CATSPERE: variants seen among roughly 807,000 people sequenced by gnomAD.
CATSPERE encodes the protein catsper channel auxiliary subunit epsilon, also known as cation channel sperm-associated auxiliary subunit epsilon.
A neutral mutation model predicts 114.1 loss-of-function variants in CATSPERE; 93 were observed. The observed-to-expected ratio is 0.81, with a 90% CI of 0.69 to 0.97. The LOEUF (loss-of-function observed/expected upper bound fraction) is 0.97. CATSPERE is among the 50% of genes least tolerant of loss of function. CATSPERE has a pLI of 0.00. For synonymous variants in CATSPERE, 341 were observed against 384.1 expected (o/e 0.89, Z 1.31); for missense variants, 1,058 against 1,131.6 (o/e 0.93, Z 0.93).
intron 19 of CATSPERE, among the ~76,000 whole-genome samples, chr1:244,612,937 CAG>C (rs1293582035): frequency 6.6e-6 from 1 of 152,004 alleles, no homozygotes; most frequent in Non-Finnish European, 1.5e-5. Flanking sequence ...AATAATATAA[CAG>C]GGAATATCAG....
chr1:244,530,161 C>G (rs1015889738), intron 8 of CATSPERE, among the ~76,000 whole-genome samples: 1 of 152,154 alleles, frequency 6.6e-6, no homozygotes, highest in Admixed American at 6.6e-5. Context: ...GTTGGCCAGG[C>G]TGGTCTTGAA....
At chr1:244,519,054 A>G (rs1435673115) in intron 8 of CATSPERE, among the ~76,000 whole-genome samples, 1 of 152,072 alleles carries the variant, frequency 6.6e-6, no homozygotes, top group Non-Finnish European at 1.5e-5. Flanking sequence ...CACAAATTCT[A>G]CCTGAAAGGC....
chr1:244,583,774 C>T, intron 12 of CATSPERE, 90 bp from the exon 13 acceptor site: 1 of 1,181,402 alleles, frequency 8.5e-7, no homozygotes, highest in South Asian at 1.4e-5. Context: ...TCACACCGTG[C>T]ACATGGGACT....
chr1:244,452,220 C>T (rs1665663262), upstream of CATSPERE: 1 of 160,842 alleles, frequency 6.2e-6, no homozygotes, highest in South Asian at 2.0e-4. Context: ...CTACCTCTCG[C>T]TTTCAAACTG....
rs528718759 is a variant in CATSPERE at position 244,574,485 on chromosome 1, A to C, written c.1950+1713A>C. Among the ~76,000 whole-genome samples the C allele has an allele frequency of 1.9e-4, 29 of 152,274 alleles. No homozygotes were observed. The South Asian group carries it at 5.4e-3, about 28-fold the overall frequency. On this transcript the variant is annotated intron_variant, in intron 11 of 21. Transcript: ENST00000366534. Reference sequence around the variant, plus strand: ...ACAAGAAGGGAAACTTTGAAGAGGAAACTTTTTATTTTTACAATTCCTTCC... The same window carrying C: ...ACAAGAAGGGAAACTTTGAAGAGGACACTTTTTATTTTTACAATTCCTTCC...
At chr1:244,525,203 A>T (rs1459933699) in intron 8 of CATSPERE, among the ~76,000 whole-genome samples, 1 of 150,708 alleles carries the variant, frequency 6.6e-6, no homozygotes. Flanking sequence ...CATGGATGAA[A>T]TTGGAAATCA....
intron 11 of CATSPERE, among the ~76,000 whole-genome samples, chr1:244,574,819 T>G: frequency 6.6e-6 from 1 of 152,234 alleles, no homozygotes; most frequent in African/African-American, 2.4e-5. Flanking sequence ...TTTAATAGTT[T>G]TATATTCAGG....
chr1:244,585,718 G>A (rs976619249), intron 13 of CATSPERE, among the ~76,000 whole-genome samples: 15 of 152,206 alleles, frequency 9.9e-5, no homozygotes, highest in South Asian at 2.1e-4. Flanking sequence ...CTGCTGGACC[G>A]AAGGGACATG....
intron 8 of CATSPERE, among the ~76,000 whole-genome samples, chr1:244,528,780 C>T (rs3005933): frequency 0.13 from 18,939 of 145,926 alleles, 2,150 homozygotes; most frequent in African/African-American, 0.31. Flanking sequence ...CACAACAATC[C>T]CCCACCACAC....
intron 2 of CATSPERE, among the ~76,000 whole-genome samples, chr1:244,472,021 C>T (rs1385576408): frequency 3.3e-5 from 5 of 152,240 alleles, no homozygotes; most frequent in East Asian, 1.9e-4. Flanking sequence ...GTGTGTGGCA[C>T]GATCATGGCT....
intron 7 of CATSPERE, among the ~76,000 whole-genome samples, chr1:244,511,717 A>G (rs998217991): frequency 7.2e-5 from 11 of 152,146 alleles, no homozygotes; most frequent in Non-Finnish European, 1.6e-4. Context: ...GACTTCCTTA[A>G]GCATTTCTTG....
chr1:244,477,556 GA>G lies in CATSPERE; in HGVS notation c.132del (p.Gly45GlufsTer16). 1 of 1,593,118 alleles carries G rather than the reference GA, an allele frequency of 6.3e-7. No individual in the cohort carries two copies. Among genetic ancestry groups the G allele is most frequent in the Non-Finnish European group, 8.6e-7 (1 of 1,162,674 alleles). On this transcript the variant is annotated frameshift_variant, in exon 3 of 22. Transcript: ENST00000366534. LOFTEE classifies it high-confidence loss of function. ...STRSTIKLEYEGTLFTEWSVP... is the reference protein window; with the variant it reads ...STRSTIKLEYXGTLFTEWSVP... ...TCTTTTTTAGATTAAGTTAGAGTAT[GA>G]AGGAACATTATTTACTGAGTGGAGT...
At chr1:244,490,340 T>C (rs985173915) in intron 5 of CATSPERE, 107 bp from the exon 6 acceptor site, 1 of 689,976 alleles carries the variant, frequency 1.4e-6, no homozygotes, top group Non-Finnish European at 2.4e-6. Context: ...TAATGAAATA[T>C]AAAGAGAATA....
intron 17 of CATSPERE, among the ~76,000 whole-genome samples, chr1:244,603,556 T>A (rs1399840438): frequency 2.0e-5 from 3 of 152,188 alleles, no homozygotes; most frequent in Non-Finnish European, 4.4e-5. Flanking sequence ...TTGTAAAAGA[T>A]CTTTACAAAC....
chr1:244,462,192 C>T (rs1422065280), intron 1 of CATSPERE, among the ~76,000 whole-genome samples: 2 of 152,130 alleles, frequency 1.3e-5, no homozygotes, highest in Non-Finnish European at 2.9e-5. Flanking sequence ...AGGAGAGGAT[C>T]GTTGTGGTCC....
At chr1:244,524,263 G>T (rs1678133423) in intron 8 of CATSPERE, among the ~76,000 whole-genome samples, 1 of 149,676 alleles carries the variant, frequency 6.7e-6, no homozygotes, top group East Asian at 1.9e-4. Flanking sequence ...AATAAATGGT[G>T]CTGGGAAAAC....
At chr1:244,621,253 A>ATAAATATATC in intron 20 of CATSPERE, among the ~76,000 whole-genome samples, 1 of 38,562 alleles carries the variant, frequency 2.6e-5, no homozygotes, top group South Asian at 9.0e-4. Context: ...ATATATTTAT[A>ATAAATATATC]TAGATATATT....
In CATSPERE at chr1:244,461,448, G is replaced by T; in HGVS notation, c.19G>T (p.Ala7Ser). MSAREVAVLLLWLSCYG... is the reference protein window; with the variant it reads MSAREVSVLLLWLSCYG... ...AGGCGCCATGTCAGCCCGGGAAGTG[G>T]CCGTGCTGCTGCTGTGGCTGAGCTG... The change falls in exon 1 of 22, where the codon GCC becomes TCC. Residue 7 changes from alanine (A) to serine (S), a missense_variant. This residue lies in a region of CATSPERE where 271 missense variants were observed against 225.9 expected (regional missense o/e 1.20). Transcript: ENST00000366534. The T allele has an allele frequency of 7.2e-7, 1 of 1,387,188 alleles. No homozygotes were observed. Among genetic ancestry groups the T allele is most frequent in the Non-Finnish European group, 9.4e-7 (1 of 1,061,976 alleles). The allele number at this position is 1,387,188 out of a possible 1,614,324, so 85.9% of individuals were successfully genotyped here.
intron 7 of CATSPERE, among the ~76,000 whole-genome samples, chr1:244,499,915 G>T (rs917620770): frequency 2.6e-5 from 4 of 152,098 alleles, no homozygotes; most frequent in Non-Finnish European, 4.4e-5. Flanking sequence ...TTGAGGAATT[G>T]CCACACTGTC....
Sources: gnomAD v4.1 joint callset for allele counts (sites outside exome capture counted in the v4.1 genomes callset) on GRCh38, gnomAD v4.1.1 for gene constraint, gnomAD v4.1.1 regional missense constraint, MANE v1.5 for transcripts, NCBI Gene and HGNC (gene_info 2026-07-23, HGNC 2026-07-21) for gene names.